RIC1: variants seen among roughly 807,000 people sequenced by gnomAD.
RIC1 encodes the protein RIC1 partner of RAB6A GEF complex.
In RIC1, 88 loss-of-function variants were observed where a neutral mutation model predicts 169.0. That is an observed-to-expected ratio of 0.52 (90% CI 0.44 to 0.62). RIC1 has a LOEUF of 0.62. RIC1 is among the 20% of genes least tolerant of loss of function. RIC1 has a pLI of 0.00. For synonymous variants in RIC1, 790 were observed against 601.5 expected, an observed-to-expected ratio of 1.31 and a Z score of -4.59; for missense variants, 1,877 against 1,725.5, an observed-to-expected ratio of 1.09 and a Z score of -1.56.
rs1563724352 is a variant in RIC1 at position 5,769,074 on chromosome 9, G to A, written c.3242G>A (p.Cys1081Tyr). 6.2e-7 allele frequency: 1 copy of A among 1,614,130 alleles called. No homozygotes were observed. Residue 1081 changes from cysteine (C) to tyrosine (Y), a missense_variant, in exon 22 of 26, where the codon TGC (cysteine) becomes TAC (tyrosine). Physicochemically the swap from Cys to Tyr is radical, Grantham distance 194. This residue lies in a region of RIC1 where 681 missense variants were observed against 582.0 expected (regional missense o/e 1.17). Coordinates refer to ENST00000414202, the MANE Select transcript of RIC1 (RefSeq NM_020829.4). Reference sequence around the variant, plus strand: ...GATGTGAGGTTAAAGGACCTTGGCTGCTTTGCAGCCCAGCTGGGCTTTGAA... The same window carrying A: ...GATGTGAGGTTAAAGGACCTTGGCTACTTTGCAGCCCAGCTGGGCTTTGAA... ...LEDVRLKDLG[C>Y]FAAQLGFELI... is the part of the protein sequence containing the mutation.
At chr9:5,686,358 C>G (rs1463128543) in intron 2 of RIC1, among the ~76,000 whole-genome samples, 1 of 152,008 alleles carries the variant, frequency 6.6e-6, no homozygotes, top group East Asian at 1.9e-4. Context: ...TTCACAATAG[C>G]AAAGACTTGA....
intron 1 of RIC1, among the ~76,000 whole-genome samples, chr9:5,653,368 C>G (rs973938049): frequency 6.6e-6 from 1 of 152,026 alleles, no homozygotes; most frequent in Non-Finnish European, 1.5e-5. Context: ...TAATGCCGGT[C>G]TTCCAACATT....
At chr9:5,674,701 A>C (rs147144466) in intron 2 of RIC1, among the ~76,000 whole-genome samples, 1 of 152,316 alleles carries the variant, frequency 6.6e-6, no homozygotes, top group African/African-American at 2.4e-5. Context: ...ATAATTGACT[A>C]TTCCCCTACC....
At chr9:5,675,975 T>G (rs919446818) in intron 2 of RIC1, among the ~76,000 whole-genome samples, 1 of 152,240 alleles carries the variant, frequency 6.6e-6, no homozygotes, top group African/African-American at 2.4e-5. Context: ...ACCCCCATCT[T>G]GCCTTTAACC....
chr9:5,728,651 C>A (rs1824159404), intron 6 of RIC1, among the ~76,000 whole-genome samples: 1 of 152,194 alleles, frequency 6.6e-6, no homozygotes, highest in African/African-American at 2.4e-5. Context: ...GGAGCTGTTC[C>A]TATTTGGCCA....
Position 5,647,994 on chromosome 9 carries a change from A to ATGGTGGTG in RIC1, c.145-8589_145-8588insTGGTGGTG, listed in dbSNP as rs1563867131. Among the ~76,000 whole-genome samples the ATGGTGGTG allele has an allele frequency of 1.8e-3, 172 of 95,850 alleles. 1 individual carries two copies. The highest frequency in any genetic ancestry group is 6.9e-3 in the African/African-American group (165 of 23,932). 62.9% of individuals were successfully genotyped at this position (95,850 alleles called of 152,430 possible). A position where few individuals can be genotyped will look rare whatever the true frequency, so the allele number is the denominator to read the frequency against. ...TGGTGATGGTGGTGGTGGTGGTGGT[A>ATGGTGGTG]GTGGTAGTGGTTTTTTCTTGCTCTG... On this transcript the variant is annotated intron_variant, in intron 1 of 25. Transcript: ENST00000414202.
At chr9:5,686,842 T>A (rs144620119) in intron 2 of RIC1, among the ~76,000 whole-genome samples, 2,028 of 152,268 alleles carry the variant, frequency 0.013, 54 homozygotes, top group African/African-American at 0.046. Context: ...TTGTCTGGTT[T>A]TGTTATGAGG....
At chr9:5,664,029 T>C (rs1208575037) in intron 2 of RIC1, among the ~76,000 whole-genome samples, 1 of 152,176 alleles carries the variant, frequency 6.6e-6, no homozygotes, top group Non-Finnish European at 1.5e-5. Context: ...CGTTTGCTTG[T>C]CTGAACAGGA....
chr9:5,639,917 T>C (rs891973806), intron 1 of RIC1, among the ~76,000 whole-genome samples: 3 of 152,224 alleles, frequency 2.0e-5, no homozygotes, highest in African/African-American at 7.2e-5. Context: ...TCCATTGGCA[T>C]GTAATATCTT....
At chr9:5,680,987 C>T (rs200273461) in intron 2 of RIC1, among the ~76,000 whole-genome samples, 129 of 150,482 alleles carry the variant, frequency 8.6e-4, no homozygotes, top group Middle Eastern at 6.8e-3. Flanking sequence ...CTACCACGCC[C>T]GGCTAATTTT....
chr9:5,745,913 C>T lies in RIC1; in HGVS notation c.1096-18C>T, dbSNP rs1176004735. 6.3e-7 allele frequency: 1 copy of T among 1,593,808 alleles called. No homozygotes were observed. The highest frequency in any genetic ancestry group is 8.6e-7 in the Non-Finnish European group (1 of 1,167,758). ...TTTTATTGCTCTGACTTTTTTTCTC[C>T]CTCCTCTTCTCTCTAAGAGCTGGGG... On this transcript the variant is annotated intron_variant, in intron 10 of 25. Coordinates refer to ENST00000414202, the MANE Select transcript of RIC1 (RefSeq NM_020829.4).
intron 2 of RIC1, among the ~76,000 whole-genome samples, chr9:5,660,098 A>G (rs1819358426): frequency 6.6e-6 from 1 of 152,042 alleles, no homozygotes; most frequent in Non-Finnish European, 1.5e-5. Flanking sequence ...AAGTGAAAAC[A>G]TGTGGTATTT....
chr9:5,667,577 T>C (rs1450185575), intron 2 of RIC1, among the ~76,000 whole-genome samples: 2 of 150,062 alleles, frequency 1.3e-5, no homozygotes, highest in Admixed American at 6.7e-5. Context: ...TGATCATAGC[T>C]CACTGCAGTC....
chr9:5,723,912 G>T (rs1381489583), intron 6 of RIC1, among the ~76,000 whole-genome samples: 3 of 152,110 alleles, frequency 2.0e-5, no homozygotes, highest in Admixed American at 6.5e-5. Flanking sequence ...TGTTCCATTG[G>T]TCTAGATCTC....
chr9:5,776,802 T>G (rs1827614250), downstream of RIC1, among the ~76,000 whole-genome samples: 2 of 151,898 alleles, frequency 1.3e-5, no homozygotes, highest in Non-Finnish European at 2.9e-5. Context: ...AATGAAGGAA[T>G]GACAGAAAAT....
intron 20 of RIC1, 34 bp downstream of exon 20, chr9:5,765,606 C>T (rs757774400): frequency 6.2e-7 from 1 of 1,613,964 alleles, no homozygotes; most frequent in Non-Finnish European, 8.5e-7. Context: ...TTCTCTAGGC[C>T]ATACACCCAC....
intron 2 of RIC1, among the ~76,000 whole-genome samples, chr9:5,663,957 A>T (rs1194983420): frequency 6.6e-6 from 1 of 152,076 alleles, no homozygotes; most frequent in Admixed American, 6.6e-5. Context: ...TTTCCTTTCC[A>T]TATTTAGTGC....
rs531818688 is a variant in RIC1, at chr9:5,629,157, G to C, written c.-153G>C. On this transcript the variant is annotated 5_prime_UTR_variant, in exon 1 of 26. Transcript: ENST00000414202. Reference sequence around the variant, plus strand: ...TGCCTTCGTCGCGCAGCCTTGCGTCGGCCCGGCCCGGCCAGGCCAGCGGGC... The same window carrying C: ...TGCCTTCGTCGCGCAGCCTTGCGTCCGCCCGGCCCGGCCAGGCCAGCGGGC... 1.5e-6 allele frequency: 1 copy of C among 667,352 alleles called. No individual in the cohort carries two copies. The highest frequency in any genetic ancestry group is 2.1e-6 in the Non-Finnish European group (1 of 474,630). 41.3% of individuals were successfully genotyped at this position (667,352 alleles called of 1,614,324 possible).
At chr9:5,678,002 C>G (rs957400235) in intron 2 of RIC1, among the ~76,000 whole-genome samples, 1 of 151,936 alleles carries the variant, frequency 6.6e-6, no homozygotes, top group East Asian at 1.9e-4. Flanking sequence ...CCCCCCTGCC[C>G]CCACCCCACA....
Sources: gnomAD v4.1 joint callset for allele counts (sites outside exome capture counted in the v4.1 genomes callset) on GRCh38, gnomAD v4.1.1 for gene constraint, gnomAD v4.1.1 regional missense constraint, MANE v1.5 for transcripts, NCBI Gene and HGNC (gene_info 2026-07-23, HGNC 2026-07-21) for gene names.